Variants in SPON1 observed in about 807,000 individuals in gnomAD.
SPON1 encodes the protein spondin-1.
Under a neutral mutation model 111.7 loss-of-function variants are expected in SPON1, and 52 were observed. The ratio of observed to expected loss-of-function variants is 0.47; its 90% CI spans 0.37 to 0.59. The LOEUF (loss-of-function observed/expected upper bound fraction) is 0.59. SPON1 is among the 20% of genes least tolerant of loss of function. The pLI, the probability that SPON1 is intolerant of heterozygous loss-of-function variation, is 0.00. For missense variants in SPON1, 957 were observed against 1,068.5 expected, an observed-to-expected ratio of 0.90 and a Z score of 1.46; for synonymous variants, 410 against 395.8, an observed-to-expected ratio of 1.04 and a Z score of -0.43.
intron 5 of SPON1, among the ~76,000 whole-genome samples, chr11:14,131,647 T>C (rs947968788): frequency 6.6e-6 from 1 of 152,182 alleles, no homozygotes; most frequent in Admixed American, 6.5e-5. Context: ...TCAATTAATT[T>C]GTACAACTCT....
At chr11:14,244,447 A>C (rs1015947718) in intron 7 of SPON1, among the ~76,000 whole-genome samples, 3 of 151,810 alleles carry the variant, frequency 2.0e-5, no homozygotes, top group Non-Finnish European at 4.4e-5. Flanking sequence ...GAACCAGGTA[A>C]TCAGAGGTTG....
rs1476975665 is a variant in SPON1 at position 14,160,443 on chromosome 11, TTATA to T, written c.825+24883_825+24886del. Among the ~76,000 whole-genome samples, 5 of 16,722 alleles carry T rather than the reference TTATA, an allele frequency of 3.0e-4. 2 individuals carry two copies. The highest frequency in any genetic ancestry group is 4.4e-4 in the Non-Finnish European group (5 of 11,394). 11.0% of individuals were successfully genotyped at this position (16,722 alleles called of 152,430 possible). On this transcript the variant is annotated intron_variant, in intron 6 of 15. Transcript: ENST00000576479. ...TATATATATATATTTATATATATAT[TTATA>T]TATATATTTATATATATATATTTAT...
intron 6 of SPON1, chr11:14,224,620 AT>A: frequency 4.1e-6 from 1 of 245,160 alleles, no homozygotes; most frequent in Non-Finnish European, 8.5e-6. Context: ...TAGTATGCAG[AT>A]GAGATAATGC....
chr11:14,182,706 G>T (rs1425838241), intron 6 of SPON1, among the ~76,000 whole-genome samples: 1 of 152,024 alleles, frequency 6.6e-6, no homozygotes, highest in Non-Finnish European at 1.5e-5. Context: ...CTTATTTGAC[G>T]GTCCATAAAA....
chr11:14,106,538 C>G (rs1295487295), intron 5 of SPON1, among the ~76,000 whole-genome samples: 5 of 152,218 alleles, frequency 3.3e-5, no homozygotes, highest in African/African-American at 1.2e-4. Context: ...CCAGCCACTA[C>G]AGTCCTGGCA....
intron 2 of SPON1, among the ~76,000 whole-genome samples, chr11:14,008,142 A>G (rs1848377486): frequency 6.6e-6 from 1 of 152,214 alleles, no homozygotes; most frequent in Non-Finnish European, 1.5e-5. Flanking sequence ...AAAAATTAAT[A>G]CAGATTTTAA....
At chr11:14,008,295 A>C (rs377107170) in intron 2 of SPON1, among the ~76,000 whole-genome samples, 9 of 151,998 alleles carry the variant, frequency 5.9e-5, no homozygotes, top group Admixed American at 3.9e-4. Context: ...GCTGGAACCA[A>C]CCCCCGACAA....
chr11:14,265,746 T>A lies in SPON1; in HGVS notation c.*59T>A. 1 of 1,558,330 alleles carries A rather than the reference T, an allele frequency of 6.4e-7. No individual in the cohort carries two copies. Among genetic ancestry groups the A allele is most frequent in the Non-Finnish European group, 8.7e-7 (1 of 1,146,356 alleles). ...ATTCCAGAGTCACCAATGGCTGGAT[T>A]ATTTGCTTGTTTAAGACAATTTAAA... On this transcript the variant is annotated 3_prime_UTR_variant, in exon 16 of 16. Transcript: ENST00000576479.
intron 14 of SPON1, 107 bp downstream of exon 14, chr11:14,260,859 C>A: frequency 7.8e-7 from 1 of 1,289,032 alleles, no homozygotes; most frequent in Non-Finnish European, 1.1e-6. Context: ...ACATGGTTTG[C>A]TGGGGAAGAG....
At chr11:14,144,189 A>T (rs1197045385) in intron 6 of SPON1, among the ~76,000 whole-genome samples, 1 of 152,210 alleles carries the variant, frequency 6.6e-6, no homozygotes, top group Admixed American at 6.5e-5. Flanking sequence ...TTAAATTGGA[A>T]GGACTTAGAA....
chr11:14,100,405 C>G (rs1435178067), intron 5 of SPON1, among the ~76,000 whole-genome samples: 3 of 108,154 alleles, frequency 2.8e-5, no homozygotes, highest in Non-Finnish European at 6.3e-5. Context: ...TAGACACCTT[C>G]TTTTCTTTCC....
At chr11:14,222,689 C>G (rs1554937700) in intron 6 of SPON1, among the ~76,000 whole-genome samples, 2 of 152,196 alleles carry the variant, frequency 1.3e-5, no homozygotes, top group East Asian at 3.8e-4. Context: ...CAGCTTCCAG[C>G]TTAAGGTTGC....
At chr11:14,160,935 A>T (rs1472369914) in intron 6 of SPON1, among the ~76,000 whole-genome samples, 2 of 11,914 alleles carry the variant, frequency 1.7e-4, no homozygotes, top group Non-Finnish European at 3.0e-4. Context: ...TTATATATTT[A>T]TATATATATT....
intron 3 of SPON1, among the ~76,000 whole-genome samples, chr11:14,071,273 C>T (rs191608663): frequency 3.9e-5 from 6 of 152,218 alleles, no homozygotes; most frequent in East Asian, 1.9e-4. Flanking sequence ...TAGAAACTTC[C>T]GCAACCAAGT....
At chr11:13,982,129 T>C (rs1554909716) in intron 1 of SPON1, among the ~76,000 whole-genome samples, 1 of 152,214 alleles carries the variant, frequency 6.6e-6, no homozygotes, top group East Asian at 1.9e-4. Context: ...TTATTGTTGA[T>C]TTCCTACTGT....
chr11:13,979,110 G>A (rs1439898699), intron 1 of SPON1, among the ~76,000 whole-genome samples: 4 of 152,150 alleles, frequency 2.6e-5, no homozygotes, highest in Non-Finnish European at 5.9e-5. Flanking sequence ...TGAAATCAAG[G>A]TATCCGACGG....
At chr11:14,262,100 G>C (rs1462373278) in intron 14 of SPON1, among the ~76,000 whole-genome samples, 1 of 152,144 alleles carries the variant, frequency 6.6e-6, no homozygotes, top group Non-Finnish European at 1.5e-5. Context: ...ACTGGATCTC[G>C]ATAAACCATA....
intron 6 of SPON1, among the ~76,000 whole-genome samples, chr11:14,177,372 G>A (rs1554933220): frequency 6.6e-6 from 1 of 152,090 alleles, no homozygotes; most frequent in African/African-American, 2.4e-5. Flanking sequence ...GTGGGTAGAG[G>A]GAAACCAGTG....
intron 5 of SPON1, among the ~76,000 whole-genome samples, chr11:14,099,916 A>T (rs1554924233): frequency 1.3e-5 from 2 of 152,048 alleles, no homozygotes; most frequent in African/African-American, 4.8e-5. Context: ...TCTTCCAAAC[A>T]ACCAGATCTC....
Sources: gnomAD v4.1 joint callset for allele counts (sites outside exome capture counted in the v4.1 genomes callset) on GRCh38, gnomAD v4.1.1 for gene constraint, MANE v1.5 for transcripts, NCBI Gene and HGNC (gene_info 2026-07-23, HGNC 2026-07-21) for gene names.